The following ST6GALNAC3 variants were observed in gnomAD, a reference collection of about 807,000 sequenced individuals.
ST6GALNAC3 encodes the protein alpha-N-acetylgalactosaminide alpha-2,6-sialyltransferase 3.
In ST6GALNAC3, 25 loss-of-function variants were observed where a neutral mutation model predicts 32.7. The ratio of observed to expected loss-of-function variants is 0.76; its 90% CI spans 0.56 to 1.07. The LOEUF is 1.07. Among genes scored for constraint, ST6GALNAC3 ranks in the 50% least tolerant of loss-of-function variants. ST6GALNAC3 has a pLI of 0.00. For missense variants in ST6GALNAC3, 355 were observed against 382.4 expected, an observed-to-expected ratio of 0.93 and a Z score of 0.60; for synonymous variants, 129 against 133.1, an observed-to-expected ratio of 0.97 and a Z score of 0.21.
chr1:76,506,477 G>T (rs181855185), intron 3 of ST6GALNAC3, among the ~76,000 whole-genome samples: 1 of 152,144 alleles, frequency 6.6e-6, no homozygotes, highest in Non-Finnish European at 1.5e-5. Context: ...CTTTGCTGAG[G>T]TTATCAACAT....
intron 1 of ST6GALNAC3, among the ~76,000 whole-genome samples, chr1:76,177,971 C>T (rs529719620): frequency 1.3e-5 from 2 of 152,254 alleles, no homozygotes; most frequent in South Asian, 2.1e-4. Flanking sequence ...AAGAAAATGA[C>T]GGATTTTGCA....
At chr1:76,499,750 T>G (rs1661070509) in intron 3 of ST6GALNAC3, among the ~76,000 whole-genome samples, 1 of 152,196 alleles carries the variant, frequency 6.6e-6, no homozygotes, top group South Asian at 2.1e-4. Flanking sequence ...TGAAAAATTA[T>G]AATCAATTAC....
intron 1 of ST6GALNAC3, among the ~76,000 whole-genome samples, chr1:76,255,165 T>G (rs1432334864): frequency 6.6e-6 from 1 of 152,028 alleles, no homozygotes; most frequent in Admixed American, 6.6e-5. Context: ...TCCCATAAAT[T>G]TTATTCAATG....
chr1:76,307,034 A>C (rs1025942816), intron 1 of ST6GALNAC3, among the ~76,000 whole-genome samples: 22 of 152,258 alleles, frequency 1.4e-4, no homozygotes, highest in African/African-American at 5.3e-4. Context: ...GAAAAGAAAG[A>C]AAGCAAGGAT....
At chr1:76,381,329 T>G (rs906859083) in intron 2 of ST6GALNAC3, among the ~76,000 whole-genome samples, 1 of 152,154 alleles carries the variant, frequency 6.6e-6, no homozygotes, top group African/African-American at 2.4e-5. Context: ...AGTGTTGATA[T>G]AGACAACATT....
chr1:76,255,449 T>G (rs1159001107), intron 1 of ST6GALNAC3, among the ~76,000 whole-genome samples: 2 of 152,070 alleles, frequency 1.3e-5, no homozygotes, highest in African/African-American at 4.8e-5. Flanking sequence ...AATAAGAAAG[T>G]CAATTGAACT....
intron 2 of ST6GALNAC3, among the ~76,000 whole-genome samples, chr1:76,406,999 C>T (rs1429649026): frequency 1.1e-4 from 16 of 152,040 alleles, no homozygotes; most frequent in Admixed American, 9.8e-4. Context: ...TTCTACTACA[C>T]TATACTTATA....
intron 2 of ST6GALNAC3, among the ~76,000 whole-genome samples, chr1:76,383,499 C>T (rs889134457): frequency 4.7e-4 from 69 of 146,096 alleles, no homozygotes; most frequent in South Asian, 4.3e-4. Context: ...CTGGTCTTGA[C>T]AGGCTCAAAC....
At chr1:76,440,184 A>G (rs1656445703) in intron 3 of ST6GALNAC3, among the ~76,000 whole-genome samples, 1 of 152,252 alleles carries the variant, frequency 6.6e-6, no homozygotes, top group African/African-American at 2.4e-5. Context: ...GCATGGAAGT[A>G]TGAAGTGTGC....
intron 2 of ST6GALNAC3, among the ~76,000 whole-genome samples, chr1:76,378,556 G>C (rs1651427928): frequency 6.6e-6 from 1 of 151,888 alleles, no homozygotes; most frequent in Non-Finnish European, 1.5e-5. Flanking sequence ...CAGCTACTCA[G>C]GAGGCTGAGA....
At chr1:76,092,581 T>C (rs546596396) in intron 1 of ST6GALNAC3, among the ~76,000 whole-genome samples, 15 of 152,296 alleles carry the variant, frequency 9.8e-5, no homozygotes, top group Non-Finnish European at 1.6e-4. Flanking sequence ...GAGGTGACAG[T>C]GGCTAGATGC....
At position 76,494,550 on chromosome 1, in the gene ST6GALNAC3, A is replaced by AACACAC. The variant is rs55892265; in HGVS notation, c.623+82162_623+82167dup. Among the ~76,000 whole-genome samples the AACACAC allele has an allele frequency of 3.1e-3, 198 of 63,834 alleles. 3 individuals carry two copies. Among genetic ancestry groups the AACACAC allele is most frequent in the African/African-American group, 8.6e-3 (152 of 17,756 alleles). 41.9% of individuals were successfully genotyped at this position (63,834 alleles called of 152,430 possible). On this transcript the variant is annotated intron_variant, in intron 3 of 4. Transcript: ENST00000328299. ...CATGAAAATATATTTCATGTGTATA[A>AACACAC]ACACACACACACACACACACACACA...
chr1:76,318,029 C>G (rs1646897769), intron 2 of ST6GALNAC3, among the ~76,000 whole-genome samples: 2 of 152,010 alleles, frequency 1.3e-5, no homozygotes, highest in Admixed American at 6.6e-5. Context: ...AAATTATACC[C>G]AGTTTAAGCT....
intron 2 of ST6GALNAC3, among the ~76,000 whole-genome samples, chr1:76,326,181 A>G (rs1005062865): frequency 7.2e-5 from 11 of 152,160 alleles, no homozygotes; most frequent in Admixed American, 5.9e-4. Flanking sequence ...CTCTTCACCA[A>G]TGACCATTGA....
At chr1:76,353,089 TC>T (rs1649131300) in intron 2 of ST6GALNAC3, among the ~76,000 whole-genome samples, 1 of 152,010 alleles carries the variant, frequency 6.6e-6, no homozygotes, top group African/African-American at 2.4e-5. Context: ...ATTACTCCAC[TC>T]CCCTTCTTAA....
intron 3 of ST6GALNAC3, among the ~76,000 whole-genome samples, chr1:76,622,792 G>T (rs995141515): frequency 2.6e-5 from 4 of 151,952 alleles, no homozygotes; most frequent in African/African-American, 4.8e-5. Flanking sequence ...AGCATCCTGT[G>T]AATAGATAAT....
At chr1:76,605,049 T>A (rs1258452865) in intron 3 of ST6GALNAC3, among the ~76,000 whole-genome samples, 1 of 152,178 alleles carries the variant, frequency 6.6e-6, no homozygotes, top group Admixed American at 6.5e-5. Context: ...CTTGTTAACA[T>A]GAAATAACAT....
At chr1:76,474,083 C>G (rs1424589506) in intron 3 of ST6GALNAC3, among the ~76,000 whole-genome samples, 1 of 152,130 alleles carries the variant, frequency 6.6e-6, no homozygotes, top group East Asian at 1.9e-4. Flanking sequence ...CCAACAGAGA[C>G]ATTGGACATG....
At chr1:76,491,221 G>A (rs569701285) in intron 3 of ST6GALNAC3, among the ~76,000 whole-genome samples, 6 of 152,130 alleles carry the variant, frequency 3.9e-5, no homozygotes, top group Non-Finnish European at 7.4e-5. Flanking sequence ...ACCATTTGGA[G>A]TTGAAGCAAG....
Sources: allele counts gnomAD v4.1 joint callset (sites outside exome capture counted in the v4.1 genomes callset), GRCh38; gene constraint gnomAD v4.1.1; transcripts MANE v1.5; gene names NCBI Gene and HGNC (gene_info 2026-07-23, HGNC 2026-07-21).